Variants in ROS1 observed in about 807,000 individuals in gnomAD.
ROS1 encodes the protein ROS proto-oncogene 1, receptor tyrosine kinase, also known as proto-oncogene tyrosine-protein kinase ROS.
In ROS1, 263 loss-of-function variants were observed where a neutral mutation model predicts 273.5. The observed-to-expected ratio is 0.96, with a 90% CI of 0.87 to 1.06. The LOEUF (loss-of-function observed/expected upper bound fraction) is 1.06, where lower values mean the gene tolerates loss of function less well. Among genes scored for constraint, ROS1 ranks in the 50% least tolerant of loss-of-function variants. ROS1 has a pLI of 0.00. For synonymous variants in ROS1, 1,008 were observed against 954.1 expected (o/e 1.06, Z -1.04); for missense variants, 2,833 against 2,751.1 (o/e 1.03, Z -0.67).
In ROS1 at chr6:117,416,239, A is replaced by T. The variant is rs1775321390; in HGVS notation, c.228+19T>A. 4 of 1,427,424 alleles carry T rather than the reference A, an allele frequency of 2.8e-6. No individual in the cohort carries two copies. The African/African-American group carries it at 4.2e-5, about 15-fold the overall frequency. The allele number at this position is 1,427,424 out of a possible 1,614,324, so 88.4% of individuals were successfully genotyped here. On this transcript the variant is annotated intron_variant, in intron 3 of 43. Transcript: ENST00000368507. Reference sequence around the variant, plus strand: ...GAAAGAAACATCAGTATCAAAATAGAAATCTAATTAATACTTACACACTTT... The same window carrying T: ...GAAAGAAACATCAGTATCAAAATAGTAATCTAATTAATACTTACACACTTT...
chr6:117,305,941 C>T (rs1775062338), intron 42 of ROS1, among the ~76,000 whole-genome samples: 1 of 151,674 alleles, frequency 6.6e-6, no homozygotes, highest in African/African-American at 2.4e-5. Flanking sequence ...CAGAAAAATA[C>T]TCATTATACT....
intron 1 of ROS1, among the ~76,000 whole-genome samples, chr6:117,420,485 A>C (rs1003026247): frequency 1.3e-5 from 2 of 151,084 alleles, no homozygotes; most frequent in Non-Finnish European, 3.0e-5. Context: ...ATGCTAAATG[A>C]CGAGTTAATG....
chr6:117,382,574 C>G (rs1772240819), intron 17 of ROS1, among the ~76,000 whole-genome samples: 1 of 151,938 alleles, frequency 6.6e-6, no homozygotes, highest in Non-Finnish European at 1.5e-5. Context: ...CTATTATGGT[C>G]AGAAAAAATT....
At position 117,385,749 on chromosome 6, in the gene ROS1, T is replaced by G; in HGVS notation, c.2223A>C (p.Ala741=). 6.2e-7 allele frequency: 1 copy of G among 1,614,180 alleles called. No homozygotes were observed. Among genetic ancestry groups the G allele is most frequent in the Admixed American group, 1.7e-5 (1 of 60,024 alleles). ...ACTCAAAAGCTAAAGCCCCTGCTCC[T>G]GCAATGCTGGGTAGGTGATAATTCT... is the stretch of plus-strand genomic sequence containing the variant. The part of the protein sequence containing the change: ...ISENYHLPSI[A]GAGALAFEWL... Residue 741 remains alanine, a synonymous_variant, in exon 16 of 44, where the codon GCA becomes GCC. Transcript: ENST00000368507.
At chr6:117,379,207 C>T (rs761047556) in intron 17 of ROS1, 48 bp from the exon 18 acceptor site, 1 of 1,192,786 alleles carries the variant, frequency 8.4e-7, no homozygotes, top group Non-Finnish European at 1.2e-6. Context: ...ATGTTTGAAG[C>T]ATAACTTTGT....
chr6:117,398,806 C>A (rs937432173), intron 7 of ROS1, among the ~76,000 whole-genome samples: 1 of 151,654 alleles, frequency 6.6e-6, no homozygotes, highest in Non-Finnish European at 1.5e-5. Context: ...AACCCCATCT[C>A]TACTAAAACT....
chr6:117,347,821 T>C (rs1383190852), intron 27 of ROS1, among the ~76,000 whole-genome samples: 1 of 152,108 alleles, frequency 6.6e-6, no homozygotes, highest in Non-Finnish European at 1.5e-5. Context: ...TCTATCAATG[T>C]GACCGCCTGA....
At chr6:117,362,501 T>C in intron 22 of ROS1, 102 bp downstream of exon 22, 2 of 1,045,428 alleles carry the variant, frequency 1.9e-6, no homozygotes, top group South Asian at 1.8e-5. Flanking sequence ...AATCTAGGTA[T>C]GTGTGCCATT....
chr6:117,343,978 G>T, intron 28 of ROS1, 82 bp downstream of exon 28: 1 of 1,188,018 alleles, frequency 8.4e-7, no homozygotes. Context: ...GAACATATAG[G>T]AAATACTTTA....
At chr6:117,312,959 A>G (rs1395026049) in intron 39 of ROS1, among the ~76,000 whole-genome samples, 1 of 152,130 alleles carries the variant, frequency 6.6e-6, no homozygotes, top group Non-Finnish European at 1.5e-5. Flanking sequence ...AGGTTTCCTC[A>G]GTTGGAAATC....
chr6:117,373,002 A>G (rs1780961846), intron 18 of ROS1, among the ~76,000 whole-genome samples: 1 of 152,210 alleles, frequency 6.6e-6, no homozygotes, highest in Non-Finnish European at 1.5e-5. Flanking sequence ...GTGCGTTTAC[A>G]ATACCTGAGC....
chr6:117,293,713 G>A lies in ROS1; in HGVS notation c.6716-4911C>T, dbSNP rs533123852. On this transcript the variant is annotated intron_variant, in intron 43 of 43. Transcript: ENST00000368507. ...AAAGGAATCAGAAGTCATTTTTATG[G>A]TTGTAAAATAACATAAAAATTGTTT... 1.3e-3 allele frequency among the ~76,000 whole-genome samples: 202 copies of A among 152,206 alleles called. 4 individuals are homozygous for A. Among genetic ancestry groups the A allele is most frequent in the East Asian group, 1.2e-3 (6 of 5,190 alleles).
At chr6:117,373,699 G>C (rs992665745) in intron 18 of ROS1, among the ~76,000 whole-genome samples, 4 of 152,220 alleles carry the variant, frequency 2.6e-5, no homozygotes, top group African/African-American at 7.2e-5. Flanking sequence ...GAGGGAGCTG[G>C]CTTCAGCCTC....
intron 15 of ROS1, among the ~76,000 whole-genome samples, chr6:117,386,401 A>G (rs1206690241): frequency 6.6e-6 from 1 of 152,244 alleles, no homozygotes; most frequent in Non-Finnish European, 1.5e-5. Flanking sequence ...CACTGTTATA[A>G]CACCCTAGAA....
At chr6:117,300,764 G>A (rs991058314) in intron 43 of ROS1, among the ~76,000 whole-genome samples, 5 of 152,120 alleles carry the variant, frequency 3.3e-5, no homozygotes, top group African/African-American at 1.2e-4. Context: ...AAATCCAGGG[G>A]CCATAGAACT....
intron 24 of ROS1, 60 bp downstream of exon 24, chr6:117,359,749 G>C: frequency 7.5e-7 from 1 of 1,339,424 alleles, no homozygotes; most frequent in South Asian, 1.2e-5. Flanking sequence ...TAACTACAAA[G>C]TAGTGTCATA....
intron 7 of ROS1, among the ~76,000 whole-genome samples, chr6:117,400,148 T>C (rs1371496402): frequency 6.6e-6 from 1 of 152,212 alleles, no homozygotes; most frequent in Non-Finnish European, 1.5e-5. Flanking sequence ...TTGGTGACCC[T>C]GGTCACATAG....
chr6:117,304,693 C>A (rs1322088501), intron 42 of ROS1, among the ~76,000 whole-genome samples: 1 of 152,134 alleles, frequency 6.6e-6, no homozygotes, highest in East Asian at 1.9e-4. Context: ...ACTAGGTTGT[C>A]AGATCAAGAA....
At chr6:117,339,373 A>G (rs995032458) in intron 31 of ROS1, among the ~76,000 whole-genome samples, 5 of 152,160 alleles carry the variant, frequency 3.3e-5, no homozygotes, top group African/African-American at 1.2e-4. Flanking sequence ...CAGATAAGGA[A>G]ATTTTGACAG....
Sources: gnomAD v4.1 joint callset for allele counts (sites outside exome capture counted in the v4.1 genomes callset) on GRCh38, gnomAD v4.1.1 for gene constraint, MANE v1.5 for transcripts, NCBI Gene and HGNC (gene_info 2026-07-23, HGNC 2026-07-21) for gene names.